CDC73: variants seen among roughly 807,000 people sequenced by gnomAD.
CDC73 encodes the protein parafibromin.
CDC73 carries 21 observed loss-of-function variants against 83.7 expected under a neutral mutation model. The ratio of observed to expected loss-of-function variants is 0.25; its 90% CI spans 0.18 to 0.36. The LOEUF (loss-of-function observed/expected upper bound fraction) is 0.36. Ranked by LOEUF, CDC73 falls within the 10% of genes least tolerant of loss-of-function variation. CDC73 has a pLI of 1.00. For synonymous variants in CDC73, 224 were observed against 212.9 expected (o/e 1.05, Z -0.45); for missense variants, 342 against 653.3 (o/e 0.52, Z 5.19).
chr1:193,131,834 T>G (rs950322406), intron 3 of CDC73, among the ~76,000 whole-genome samples: 1 of 152,214 alleles, frequency 6.6e-6, no homozygotes, highest in African/African-American at 2.4e-5. Flanking sequence ...ACCACTCTTA[T>G]CGAAAATATA....
intron 13 of CDC73, among the ~76,000 whole-genome samples, chr1:193,223,322 A>G (rs755578879): frequency 3.9e-5 from 6 of 152,126 alleles, no homozygotes; most frequent in Non-Finnish European, 8.8e-5. Flanking sequence ...CCAAGTGAAT[A>G]TGACAGAACT....
chr1:193,211,826 C>A (rs1677284720), intron 11 of CDC73, among the ~76,000 whole-genome samples: 1 of 152,124 alleles, frequency 6.6e-6, no homozygotes, highest in Non-Finnish European at 1.5e-5. Context: ...ACTGAAACTG[C>A]AGAAAACAGA....
At chr1:193,157,910 A>G (rs1033077288) in intron 10 of CDC73, among the ~76,000 whole-genome samples, 3 of 151,816 alleles carry the variant, frequency 2.0e-5, no homozygotes, top group Admixed American at 6.6e-5. Flanking sequence ...AATATATATA[A>G]TAGAACTTAC....
intron 7 of CDC73, among the ~76,000 whole-genome samples, chr1:193,143,400 A>C (rs1036368890): frequency 2.0e-4 from 30 of 152,316 alleles, no homozygotes; most frequent in African/African-American, 6.7e-4. Flanking sequence ...TCATAGTAGA[A>C]GAATAAAAAC....
chr1:193,148,001 G>A (rs1402455579), intron 8 of CDC73, 36 bp downstream of exon 8: 4 of 1,367,160 alleles, frequency 2.9e-6, no homozygotes, highest in Non-Finnish European at 3.1e-6. Flanking sequence ...TAGATTTAAT[G>A]AAGTTGCCAC....
chr1:193,180,056 T>G (rs1308667780), intron 10 of CDC73: 7 of 328,930 alleles, frequency 2.1e-5, no homozygotes, highest in Non-Finnish European at 3.8e-5. Flanking sequence ...TGTTATTGCA[T>G]GTTAATACAC....
At chr1:193,163,702 GTCA>G (rs780470818) in intron 10 of CDC73, among the ~76,000 whole-genome samples, 36 of 152,022 alleles carry the variant, frequency 2.4e-4, no homozygotes, top group Non-Finnish European at 3.7e-4. Flanking sequence ...AACTTTCTGA[GTCA>G]TCATTAATAT....
Position 193,180,189 on chromosome 1 carries a change from G to A in CDC73, c.973-23606G>A. On this transcript the variant is annotated intron_variant, in intron 10 of 16. Transcript: ENST00000367435. ...AAAAATACTTCTTGAATTTCTTTAT[G>A]TGATGAGTTTTAACTAAAACTTGTC... is the stretch of plus-strand genomic sequence containing the variant. 4 of 936,974 alleles carry A rather than the reference G, an allele frequency of 4.3e-6. No individual in the cohort carries two copies. In the Admixed American group the frequency reaches 1.2e-4, roughly 28 times the overall value. 58.0% of individuals were successfully genotyped at this position (936,974 alleles called of 1,614,324 possible).
chr1:193,168,375 G>A (rs1293730080), intron 10 of CDC73, among the ~76,000 whole-genome samples: 1 of 152,096 alleles, frequency 6.6e-6, no homozygotes, highest in Non-Finnish European at 1.5e-5. Context: ...TAGGAGGGAG[G>A]ACAAACAAAA....
intron 10 of CDC73, among the ~76,000 whole-genome samples, chr1:193,164,960 C>T (rs2103145075): frequency 6.6e-6 from 1 of 152,294 alleles, no homozygotes; most frequent in South Asian, 2.1e-4. Flanking sequence ...ACTGACCTTT[C>T]TGCACGTTTG....
chr1:193,128,983 C>T (rs1217380621), intron 2 of CDC73, among the ~76,000 whole-genome samples: 2 of 150,828 alleles, frequency 1.3e-5, no homozygotes, highest in South Asian at 2.1e-4. Context: ...TCTGCCATCA[C>T]GCCCGGCTAA....
chr1:193,122,053 T>A lies in CDC73; in HGVS notation c.-148T>A, dbSNP rs1675456519. On this transcript the variant is annotated 5_prime_UTR_variant, in exon 1 of 17. Coordinates refer to ENST00000367435, the MANE Select transcript of CDC73 (RefSeq NM_024529.5). ...GTGGCTACTGCCCCTGCTGCTGTCG[T>A]AGGCGAGGACGGCTGTTAGTGCTGC... 5.5e-6 allele frequency: 4 copies of A among 727,374 alleles called. No individual in the cohort carries two copies. Among genetic ancestry groups the A allele is most frequent in the Non-Finnish European group, 9.4e-6 (4 of 423,316 alleles). The allele number at this position is 727,374 out of a possible 1,614,324, so 45.1% of individuals were successfully genotyped here.
chr1:193,215,009 G>A (rs1017199180), intron 13 of CDC73, among the ~76,000 whole-genome samples: 1 of 152,190 alleles, frequency 6.6e-6, no homozygotes, highest in Admixed American at 6.5e-5. Context: ...CATGAGAGTG[G>A]TACTGGTTTG....
At chr1:193,128,005 G>C in intron 2 of CDC73, 1 of 151,968 alleles carries the variant, frequency 6.6e-6, no homozygotes, top group East Asian at 1.9e-4. Flanking sequence ...TAGCCAGGTT[G>C]GTCTTGATTT....
At chr1:193,164,639 C>T (rs910965142) in intron 10 of CDC73, among the ~76,000 whole-genome samples, 1 of 151,946 alleles carries the variant, frequency 6.6e-6, no homozygotes. Flanking sequence ...TTATTTTTAA[C>T]TCTTCATTAA....
chr1:193,222,275 C>T (rs1414218371), intron 13 of CDC73, among the ~76,000 whole-genome samples: 2 of 152,104 alleles, frequency 1.3e-5, no homozygotes, highest in South Asian at 2.1e-4. Context: ...GGAGCTCAGA[C>T]GCTATGTAGA....
chr1:193,192,969 C>T (rs1057490331), intron 10 of CDC73, among the ~76,000 whole-genome samples: 2 of 152,234 alleles, frequency 1.3e-5, no homozygotes, highest in African/African-American at 4.8e-5. Context: ...GAGAATTAGG[C>T]TGCTTTCAGC....
chr1:193,170,010 C>T (rs1284060881), intron 10 of CDC73, among the ~76,000 whole-genome samples: 1 of 152,102 alleles, frequency 6.6e-6, no homozygotes, highest in Non-Finnish European at 1.5e-5. Context: ...TGTGTATTAT[C>T]ATCATTTAGC....
chr1:193,205,042 T>A (rs1388634386), intron 11 of CDC73, among the ~76,000 whole-genome samples: 11 of 152,204 alleles, frequency 7.2e-5, no homozygotes, highest in Non-Finnish European at 1.5e-4. Context: ...TTCTTCCCCC[T>A]ATTCCTAGTA....
Sources: allele counts gnomAD v4.1 joint callset (sites outside exome capture counted in the v4.1 genomes callset), GRCh38; gene constraint gnomAD v4.1.1; transcripts MANE v1.5; gene names NCBI Gene and HGNC (gene_info 2026-07-23, HGNC 2026-07-21).